The following PCDHA4 variants were observed in gnomAD, a reference collection of about 807,000 sequenced individuals.
The protein encoded by PCDHA4 is protocadherin alpha 4, also known as protocadherin alpha-4.
Under a neutral mutation model 61.4 loss-of-function variants are expected in PCDHA4, and 49 were observed. That is an observed-to-expected ratio of 0.80 (90% confidence interval 0.63 to 1.01). The LOEUF (loss-of-function observed/expected upper bound fraction) is 1.01. Ranked by LOEUF, PCDHA4 falls within the 50% of genes least tolerant of loss-of-function variation. PCDHA4 has a pLI of 0.00. For missense variants in PCDHA4, 1,254 were observed against 1,235.8 expected, an observed-to-expected ratio of 1.01 and a Z score of -0.22; for synonymous variants, 590 against 550.3, an observed-to-expected ratio of 1.07 and a Z score of -1.01.
chr5:140,971,192 A>G (rs1450514781), intron 1 of PCDHA4, among the ~76,000 whole-genome samples: 3 of 152,178 alleles, frequency 2.0e-5, no homozygotes, highest in Non-Finnish European at 4.4e-5. Context: ...GGAAGCTCAG[A>G]GGAAAGACAC....
chr5:140,823,906 G>T (rs2150130181), intron 1 of PCDHA4: 3 of 1,613,906 alleles, frequency 1.9e-6, no homozygotes, highest in East Asian at 2.2e-5. Context: ...CAGCCTGCTG[G>T]TGCTCACGCT....
chr5:140,899,050 G>A (rs1554188361), intron 1 of PCDHA4, among the ~76,000 whole-genome samples: 2 of 152,016 alleles, frequency 1.3e-5, no homozygotes, highest in African/African-American at 4.8e-5. Context: ...TGTATCCTGA[G>A]ACTTTGCTGA....
intron 1 of PCDHA4, among the ~76,000 whole-genome samples, chr5:140,931,244 T>C (rs1161128281): frequency 6.6e-6 from 1 of 152,168 alleles, no homozygotes; most frequent in Non-Finnish European, 1.5e-5. Context: ...ACACTTTTCC[T>C]ACCAAGAAAT....
chr5:140,829,342 C>T (rs17844302), intron 1 of PCDHA4: 7 of 1,614,106 alleles, frequency 4.3e-6, no homozygotes, highest in African/African-American at 2.7e-5. Flanking sequence ...ACCGCGAGAG[C>T]GTGTCGGCCT....
intron 1 of PCDHA4, chr5:140,830,402 G>A: frequency 6.2e-7 from 1 of 1,614,186 alleles, no homozygotes; most frequent in Non-Finnish European, 8.5e-7. Flanking sequence ...GGATCTCATG[G>A]CCTTTAGCCC....
intron 1 of PCDHA4, among the ~76,000 whole-genome samples, chr5:140,941,202 C>T (rs246071): frequency 0.094 from 11,551 of 122,542 alleles, 708 homozygotes; most frequent in Admixed American, 0.12. Context: ...TTTCTTTCTT[C>T]CTTTCTTTCT....
chr5:140,961,114 A>G (rs2095591473), intron 1 of PCDHA4, among the ~76,000 whole-genome samples: 1 of 152,212 alleles, frequency 6.6e-6, no homozygotes, highest in African/African-American at 2.4e-5. Flanking sequence ...ACCCCCTTGC[A>G]TCTTAATGTC....
chr5:140,835,412 A>C lies in PCDHA4; in HGVS notation c.2385+25840A>C, dbSNP rs2150235201. The C allele has an allele frequency of 4.3e-6, 7 of 1,613,988 alleles. No homozygotes were observed. The East Asian group carries it at 1.6e-4, about 36-fold the overall frequency. On this transcript the variant is annotated intron_variant, in intron 1 of 3. Coordinates refer to ENST00000530339, the MANE Select transcript of PCDHA4 (RefSeq NM_018907.4). ...CAGTTCTTGTGGAAGTTGTGGATGT[A>C]AATGACAATGCTCCACAGTTGACTC...
At chr5:140,942,406 G>GT (rs1554214961) in intron 1 of PCDHA4, among the ~76,000 whole-genome samples, 2 of 149,658 alleles carry the variant, frequency 1.3e-5, no homozygotes, top group South Asian at 2.1e-4. Flanking sequence ...ATGAGACTCT[G>GT]TTTAAAAAAA....
intron 1 of PCDHA4, chr5:140,871,356 G>A (rs368141967): frequency 1.0e-4 from 163 of 1,614,090 alleles, no homozygotes; most frequent in Non-Finnish European, 1.3e-4. Context: ...CATACTCGCA[G>A]CAGAGGCGGC....
chr5:140,912,500 T>C (rs1554195386), intron 1 of PCDHA4, among the ~76,000 whole-genome samples: 1 of 152,204 alleles, frequency 6.6e-6, no homozygotes, highest in Non-Finnish European at 1.5e-5. Flanking sequence ...TAGGAGCTTT[T>C]TGGATGAATC....
intron 1 of PCDHA4, among the ~76,000 whole-genome samples, chr5:140,904,906 G>C (rs2071460962): frequency 6.6e-6 from 1 of 152,026 alleles, no homozygotes; most frequent in African/African-American, 2.4e-5. Context: ...TTTTCTTACT[G>C]ATTTGTTTGA....
At chr5:140,850,526 G>A (rs2150487958) in intron 1 of PCDHA4, 8 of 1,598,220 alleles carry the variant, frequency 5.0e-6, no homozygotes, top group Admixed American at 1.7e-5. Context: ...AGGCGCCAAA[G>A]TCATCGTCGC....
Position 140,842,613 on chromosome 5 carries a change from G to T in PCDHA4, c.2385+33041G>T, listed in dbSNP as rs782736515. On this transcript the variant is annotated intron_variant, in intron 1 of 3. Transcript: ENST00000530339. ...TTGGTGGTAACCGCGCGGGACGGGG[G>T]CTCGCCTTCGCTGTGGGCCACCGCC... 3.1e-6 allele frequency: 5 copies of T among 1,595,814 alleles called. 1 individual carries two copies. The highest frequency in any genetic ancestry group is 4.3e-6 in the Non-Finnish European group (5 of 1,165,648).
intron 1 of PCDHA4, chr5:140,883,195 T>A (rs781816525): frequency 6.2e-7 from 1 of 1,613,786 alleles, no homozygotes; most frequent in Non-Finnish European, 8.5e-7. Context: ...GCAAACTAGA[T>A]TTCGAAGAAA....
At chr5:140,843,113 G>C (rs1234618172) in intron 1 of PCDHA4, 1 of 1,595,750 alleles carries the variant, frequency 6.3e-7, no homozygotes, top group African/African-American at 1.3e-5. Flanking sequence ...GCGCGCAGTG[G>C]ACGCCGACTC....
Position 140,824,611 on chromosome 5 carries a change from T to TTTTTTTTTTTTG in PCDHA4, c.2385+15050_2385+15051insGTTTTTTTTTTT, listed in dbSNP as rs1768219993. On this transcript the variant is annotated intron_variant, in intron 1 of 3. Coordinates refer to ENST00000530339, the MANE Select transcript of PCDHA4 (RefSeq NM_018907.4). Reference sequence around the variant, plus strand: ...GACTACATGCACATGCTAATTAAAGTTTTTTTTTTTTTTTTTTTTTTATTT... The same window carrying TTTTTTTTTTTTG: ...GACTACATGCACATGCTAATTAAAGTTTTTTTTTTTTGTTTTTTTTTTTTTTTTTTTTTATTT... 2 of 19,836 alleles carry TTTTTTTTTTTTG rather than the reference T, an allele frequency of 1.0e-4. 1 individual carries two copies. The highest frequency in any genetic ancestry group is 3.3e-4 in the African/African-American group (2 of 5,990). The allele number at this position is 19,836 out of a possible 1,614,324, so 1.2% of individuals were successfully genotyped here.
rs2150108266 is a variant in PCDHA4 at position 140,820,912 on chromosome 5, A to T, written c.2385+11340A>T. 5.3e-5 allele frequency among the ~76,000 whole-genome samples: 8 copies of T among 152,240 alleles called. No individual in the cohort carries two copies. In the South Asian group the frequency reaches 1.7e-3, roughly 32 times the overall value. On this transcript the variant is annotated intron_variant, in intron 1 of 3. Coordinates refer to ENST00000530339, the MANE Select transcript of PCDHA4 (RefSeq NM_018907.4). ...GACGATTTACCAAAGTCGTTCTATT[A>T]TGCTTTTGATTTCTAGAAAGCTGAA...
chr5:140,958,066 C>T (rs782243559), intron 1 of PCDHA4, among the ~76,000 whole-genome samples: 2 of 151,900 alleles, frequency 1.3e-5, no homozygotes, highest in African/African-American at 4.8e-5. Context: ...AGAAAAAACA[C>T]AGAAGCAAAA....
Sources: gnomAD v4.1 joint callset for allele counts (sites outside exome capture counted in the v4.1 genomes callset) on GRCh38, gnomAD v4.1.1 for gene constraint, MANE v1.5 for transcripts, NCBI Gene and HGNC (gene_info 2026-07-23, HGNC 2026-07-21) for gene names.